The following TRMT10B variants were observed in gnomAD, a reference collection of about 807,000 sequenced individuals.
TRMT10B encodes tRNA methyltransferase 10 homolog B.
A neutral mutation model predicts 43.8 loss-of-function variants in TRMT10B; 33 were observed. The ratio of observed to expected loss-of-function variants is 0.75; its 90% CI spans 0.57 to 1.01. The LOEUF (loss-of-function observed/expected upper bound fraction) is 1.01, where lower values mean the gene tolerates loss of function less well. Among genes scored for constraint, TRMT10B ranks in the 50% least tolerant of loss-of-function variants. The probability of loss-of-function intolerance (pLI) is 0.00; values close to 1 mark genes in which losing one functional copy is unlikely to be tolerated. For missense variants in TRMT10B, 362 were observed against 369.8 expected, an observed-to-expected ratio of 0.98 and a Z score of 0.17; for synonymous variants, 137 against 130.6, an observed-to-expected ratio of 1.05 and a Z score of -0.34.
Position 37,762,099 on chromosome 9 carries a change from C to T in TRMT10B, c.168C>T (p.Gly56=). Residue 56 remains glycine (G), a synonymous_variant, in exon 2 of 9, where the codon GGC becomes GGT. Transcript: ENST00000297994. ...ECQEGEILAT[G]STAWCSKNVQ... is the part of the protein sequence containing the mutation. ...AGGAGGGAGAGATCCTGGCCACAGGCAGTACGGCATGGTGCTCGGTGAGTG... is the reference window on the plus strand; with the variant it reads ...AGGAGGGAGAGATCCTGGCCACAGGTAGTACGGCATGGTGCTCGGTGAGTG... 1.2e-6 allele frequency: 2 copies of T among 1,613,740 alleles called. No homozygotes were observed. The highest frequency in any genetic ancestry group is 8.5e-7 in the Non-Finnish European group (1 of 1,179,830).
At chr9:37,762,780 AAG>A (rs1298259813) in intron 3 of TRMT10B, 95 bp downstream of exon 3, 1 of 1,412,400 alleles carries the variant, frequency 7.1e-7, no homozygotes, top group Admixed American at 2.8e-5. Context: ...TATAAGTAAA[AAG>A]CATCTGGGAT....
rs775989862 is a variant in TRMT10B, at chr9:37,762,655, C to T, written c.265C>T (p.Arg89Ter). The change falls in exon 3 of 9, where the codon CGA (arginine) becomes TGA (stop). Residue 89 changes from arginine to a stop codon, truncating the protein, a stop_gained. Transcript: ENST00000297994. LOFTEE classifies it high-confidence loss of function. ...KKSKRKQEKE[R>*]RKANRAENPG... Reference sequence around the variant, plus strand: ...GAGCAAAAGAAAGCAAGAAAAAGAACGAAGAAAAGCCAATCGTGCAGAAAA... The same window carrying T: ...GAGCAAAAGAAAGCAAGAAAAAGAATGAAGAAAAGCCAATCGTGCAGAAAA... 2.8e-5 allele frequency: 45 copies of T among 1,591,756 alleles called. No individual in the cohort carries two copies. The highest frequency in any genetic ancestry group is 3.5e-5 in the Admixed American group (2 of 56,820).
At chr9:37,766,393 A>G (rs1826991466) in intron 4 of TRMT10B, among the ~76,000 whole-genome samples, 1 of 152,166 alleles carries the variant, frequency 6.6e-6, no homozygotes, top group Admixed American at 6.5e-5. Context: ...AGTTGTAGAT[A>G]TATGTGGCAT....
chr9:37,756,752 A>G (rs1825735447), intron 1 of TRMT10B, among the ~76,000 whole-genome samples: 1 of 151,484 alleles, frequency 6.6e-6, no homozygotes, highest in South Asian at 2.1e-4. Context: ...ACACACACAC[A>G]CATATATATA....
intron 7 of TRMT10B, among the ~76,000 whole-genome samples, chr9:37,773,080 G>GATGTC (rs1367233390): frequency 2.0e-5 from 3 of 152,178 alleles, no homozygotes; most frequent in African/African-American, 7.2e-5. Context: ...GAAGTATTGT[G>GATGTC]ATGTCTGTAG....
Position 37,762,567 on chromosome 9 carries a change from A to G in TRMT10B, c.187-10A>G, listed in dbSNP as rs1826468185. ...GTTCTCAAACAATTTTGTTTTCTGG[A>G]TAATATAAGAAAAATGTCCAGAGAA... On this transcript the variant is annotated splice_polypyrimidine_tract_variant and intron_variant, in intron 2 of 8. Coordinates refer to ENST00000297994, the MANE Select transcript of TRMT10B (RefSeq NM_144964.4). The G allele has an allele frequency of 6.4e-7, 1 of 1,574,456 alleles. No homozygotes were observed. Among genetic ancestry groups the G allele is most frequent in the African/African-American group, 1.4e-5 (1 of 74,000 alleles).
intron 1 of TRMT10B, among the ~76,000 whole-genome samples, chr9:37,755,094 C>T (rs968261371): frequency 6.6e-6 from 1 of 152,140 alleles, no homozygotes; most frequent in Admixed American, 6.5e-5. Flanking sequence ...AATGGTGAAA[C>T]TCCGTCTCTA....
At chr9:37,763,258 ATATT>A (rs1826614620) in intron 3 of TRMT10B, among the ~76,000 whole-genome samples, 2 of 152,168 alleles carry the variant, frequency 1.3e-5, no homozygotes, top group East Asian at 1.9e-4. Flanking sequence ...GCAACAGCTA[ATATT>A]TATTCAGTAT....
intron 1 of TRMT10B, among the ~76,000 whole-genome samples, chr9:37,754,692 GTCA>G (rs1472684743): frequency 6.6e-6 from 1 of 152,192 alleles, no homozygotes; most frequent in African/African-American, 2.4e-5. Context: ...CAGAACGAAT[GTCA>G]TCCCCAAGTC....
At chr9:37,769,009 A>G (rs1216489010) in intron 5 of TRMT10B, among the ~76,000 whole-genome samples, 2 of 152,048 alleles carry the variant, frequency 1.3e-5, no homozygotes, top group African/African-American at 4.8e-5. Context: ...GTGTATGTCA[A>G]TATTAATCTA....
At chr9:37,756,513 C>T (rs1057253290) in intron 1 of TRMT10B, among the ~76,000 whole-genome samples, 1 of 151,816 alleles carries the variant, frequency 6.6e-6, no homozygotes, top group Admixed American at 6.6e-5. Context: ...TGAGACCAGC[C>T]TGGCCAACTT....
At chr9:37,763,786 C>T (rs776844020) in intron 4 of TRMT10B, 33 bp downstream of exon 4, 35 of 1,612,770 alleles carry the variant, frequency 2.2e-5, no homozygotes, top group African/African-American at 2.7e-5. Flanking sequence ...AATTCCTGCT[C>T]GCCATGAGGG....
Position 37,769,988 on chromosome 9 carries a change from C to G in TRMT10B, c.621C>G (p.Thr207=), listed in dbSNP as rs753690811. 5.6e-6 allele frequency: 9 copies of G among 1,613,936 alleles called. No individual in the cohort carries two copies. Among genetic ancestry groups the G allele is most frequent in the Non-Finnish European group, 5.1e-6 (6 of 1,179,964 alleles). The change falls in exon 6 of 9, where the codon ACC becomes ACG. Residue 207 remains threonine, a synonymous_variant. Transcript: ENST00000297994. Reference sequence around the variant, plus strand: ...GCTTTAGTTTATTTCCCTTGGAAACCCTTGTGTACCTGACTCCTGACTCAG... The same window carrying G: ...GCTTTAGTTTATTTCCCTTGGAAACGCTTGTGTACCTGACTCCTGACTCAG... The part of the protein sequence containing the change: ...EDCFSLFPLE[T]LVYLTPDSEH...
chr9:37,763,596 C>A, intron 3 of TRMT10B, 33 bp from the exon 4 acceptor site: 1 of 1,591,498 alleles, frequency 6.3e-7, no homozygotes, highest in South Asian at 1.1e-5. Flanking sequence ...TCTGGTTTTC[C>A]ACTTTTATTT....
intron 1 of TRMT10B, among the ~76,000 whole-genome samples, chr9:37,754,925 A>G (rs942898891): frequency 5.3e-5 from 8 of 152,216 alleles, no homozygotes; most frequent in Non-Finnish European, 7.3e-5. Context: ...ACTCAAATTC[A>G]TAAGATAGGA....
chr9:37,770,820 T>A, intron 7 of TRMT10B, 81 bp downstream of exon 7: 1 of 1,429,832 alleles, frequency 7.0e-7, no homozygotes, highest in Non-Finnish European at 9.6e-7. Context: ...TATAGTCTCC[T>A]CTAGAGGGTC....
In TRMT10B at chr9:37,778,203, G is replaced by A. The variant is rs1034432909; in HGVS notation, c.*496G>A. On this transcript the variant is annotated 3_prime_UTR_variant, in exon 9 of 9. Transcript: ENST00000297994. ...CCATAGTGCCTGGCTCACAGGAAGTGCTCAGATATGTTAAGTAATAAAAAG... is the reference window on the plus strand; with the variant it reads ...CCATAGTGCCTGGCTCACAGGAAGTACTCAGATATGTTAAGTAATAAAAAG... 2.6e-5 allele frequency: 4 copies of A among 154,598 alleles called. No individual in the cohort carries two copies. Among genetic ancestry groups the A allele is most frequent in the Non-Finnish European group, 5.7e-5 (4 of 69,892 alleles). 9.6% of individuals were successfully genotyped at this position (154,598 alleles called of 1,614,324 possible).
At chr9:37,754,090 A>G (rs1825312095) in intron 1 of TRMT10B, among the ~76,000 whole-genome samples, 1 of 152,236 alleles carries the variant, frequency 6.6e-6, no homozygotes, top group South Asian at 2.1e-4. Context: ...GCCATCACTT[A>G]GCGGCAGTGT....
rs1231626698 is a variant in TRMT10B at position 37,777,737 on chromosome 9, G to A, written c.*30G>A. ...CCTAAGATTGCAGCTGCGTGGCCAGGTGCTCACGCCGTAATGCCAACACTT... is the reference window on the plus strand; with the variant it reads ...CCTAAGATTGCAGCTGCGTGGCCAGATGCTCACGCCGTAATGCCAACACTT... On this transcript the variant is annotated 3_prime_UTR_variant, in exon 9 of 9. Coordinates refer to ENST00000297994, the MANE Select transcript of TRMT10B (RefSeq NM_144964.4). The A allele has an allele frequency of 1.3e-6, 2 of 1,570,802 alleles. No individual in the cohort carries two copies. The highest frequency in any genetic ancestry group is 1.8e-6 in the Non-Finnish European group (2 of 1,140,918).
Sources: gnomAD v4.1 joint callset for allele counts (sites outside exome capture counted in the v4.1 genomes callset) on GRCh38, gnomAD v4.1.1 for gene constraint, MANE v1.5 for transcripts, NCBI Gene and HGNC (gene_info 2026-07-23, HGNC 2026-07-21) for gene names.